DPF3: variants seen among roughly 807,000 people sequenced by gnomAD.
The protein encoded by DPF3 is zinc finger protein DPF3.
DPF3 carries 18 observed loss-of-function variants against 56.8 expected under a neutral mutation model. The observed-to-expected ratio is 0.32, with a 90% CI of 0.22 to 0.47. DPF3 has a LOEUF of 0.47. DPF3 is among the 20% of genes least tolerant of loss of function. The pLI is 1.00. For synonymous variants in DPF3, 188 were observed against 180.2 expected (o/e 1.04, Z -0.35); for missense variants, 403 against 488.8 (o/e 0.82, Z 1.65).
chr14:72,886,175 G>A (rs781566409), intron 1 of DPF3, among the ~76,000 whole-genome samples: 1 of 152,050 alleles, frequency 6.6e-6, no homozygotes, highest in African/African-American at 2.4e-5. Flanking sequence ...AGTTCGAGAC[G>A]AGCCTGGCCA....
intron 1 of DPF3, among the ~76,000 whole-genome samples, chr14:72,826,169 T>A (rs1374317089): frequency 2.0e-5 from 3 of 152,126 alleles, no homozygotes; most frequent in Non-Finnish European, 4.4e-5. Context: ...GCATGTCAGA[T>A]AATAAACCAA....
intron 1 of DPF3, chr14:72,773,866 C>T (rs1382931245): frequency 1.1e-5 from 5 of 455,488 alleles, no homozygotes; most frequent in Non-Finnish European, 2.2e-5. Context: ...AATAATATTC[C>T]ATTGTATGCA....
chr14:72,621,071 G>C (rs1567178428), intron 9 of DPF3, among the ~76,000 whole-genome samples: 1 of 151,762 alleles, frequency 6.6e-6, no homozygotes. Context: ...AACCCGGGAG[G>C]TGGAGGTTGC....
At chr14:72,746,503 G>T (rs1381375709) in intron 3 of DPF3, among the ~76,000 whole-genome samples, 1 of 152,220 alleles carries the variant, frequency 6.6e-6, no homozygotes, top group African/African-American at 2.4e-5. Context: ...AGGCCTAGTA[G>T]TAGGTCTGTT....
intron 1 of DPF3, among the ~76,000 whole-genome samples, chr14:72,831,511 G>A (rs1884058176): frequency 6.6e-6 from 1 of 152,332 alleles, no homozygotes; most frequent in East Asian, 1.9e-4. Flanking sequence ...TCACAGGGCT[G>A]TAGAATATTG....
rs143527689 is a variant in DPF3 at position 72,875,158 on chromosome 14, T to C, written c.32+18899A>G. 5.9e-3 allele frequency among the ~76,000 whole-genome samples: 896 copies of C among 152,294 alleles called. 9 individuals carry two copies. The highest frequency in any genetic ancestry group is 0.02 in the African/African-American group (841 of 41,556). On this transcript the variant is annotated intron_variant, in intron 1 of 10. Coordinates refer to ENST00000556509, the MANE Select transcript of DPF3 (RefSeq NM_001280542.3). ...CCTCCATGATTCAATTACCTCCCCA[T>C]GGGTCTCTCCCACAACACATGGGAA...
chr14:72,669,337 C>A (rs959680469), intron 8 of DPF3, among the ~76,000 whole-genome samples: 2 of 152,212 alleles, frequency 1.3e-5, no homozygotes, highest in Admixed American at 6.5e-5. Flanking sequence ...CAACCCATGT[C>A]AAATGGTTCT....
chr14:72,879,173 C>T (rs909826452), intron 1 of DPF3, among the ~76,000 whole-genome samples: 1 of 152,134 alleles, frequency 6.6e-6, no homozygotes, highest in African/African-American at 2.4e-5. Context: ...CACTGGAAGT[C>T]AGGAGTTTGA....
chr14:72,844,664 A>G (rs891915139), intron 1 of DPF3, among the ~76,000 whole-genome samples: 6 of 152,254 alleles, frequency 3.9e-5, no homozygotes, highest in African/African-American at 1.4e-4. Flanking sequence ...ACAATGTAAA[A>G]TAATTATGAT....
At chr14:72,716,712 C>T (rs965433134) in intron 5 of DPF3, among the ~76,000 whole-genome samples, 28 of 152,156 alleles carry the variant, frequency 1.8e-4, no homozygotes, top group Admixed American at 6.5e-5. Flanking sequence ...AATAAACATT[C>T]GCCAAATGGA....
At chr14:72,686,552 G>A (rs1887419633) in intron 7 of DPF3, among the ~76,000 whole-genome samples, 2 of 152,226 alleles carry the variant, frequency 1.3e-5, no homozygotes. Flanking sequence ...CTCAGCCACA[G>A]GGTCAAGGAT....
chr14:72,873,861 G>A (rs1886000988), intron 1 of DPF3, among the ~76,000 whole-genome samples: 1 of 151,672 alleles, frequency 6.6e-6, no homozygotes, highest in African/African-American at 2.4e-5. Flanking sequence ...CTCATAGGTG[G>A]GAACTGAACA....
chr14:72,674,869 G>A (rs1333454775), intron 7 of DPF3, among the ~76,000 whole-genome samples: 2 of 152,366 alleles, frequency 1.3e-5, no homozygotes, highest in Admixed American at 1.3e-4. Context: ...CTGATGGGAG[G>A]TCATTTCCAG....
At chr14:72,864,353 T>A (rs1375200652) in intron 1 of DPF3, among the ~76,000 whole-genome samples, 2 of 152,224 alleles carry the variant, frequency 1.3e-5, no homozygotes, top group Non-Finnish European at 2.9e-5. Context: ...CTACTTTGCT[T>A]TATTTTCTGC....
intron 1 of DPF3, among the ~76,000 whole-genome samples, chr14:72,888,719 T>G (rs1012011259): frequency 6.6e-6 from 1 of 152,228 alleles, no homozygotes; most frequent in Non-Finnish European, 1.5e-5. Flanking sequence ...CCCTGTTGGG[T>G]CGTAGCTGGG....
At chr14:72,789,614 C>T (rs1892347310) in intron 1 of DPF3, among the ~76,000 whole-genome samples, 2 of 152,168 alleles carry the variant, frequency 1.3e-5, no homozygotes, top group South Asian at 2.1e-4. Flanking sequence ...ACTGCAGCCT[C>T]GATCTTCAGA....
In DPF3 at chr14:72,657,120, G is replaced by A. The variant is rs74628998; in HGVS notation, c.871+17120C>T. The stretch of plus-strand genomic sequence containing the variant: ...AGTACTTAGGAAGAAATATATCTCA[G>A]CAACATCCTCAACATTCCATAATTA... On this transcript the variant is annotated intron_variant, in intron 8 of 10. Transcript: ENST00000556509. Among the ~76,000 whole-genome samples, 1,233 of 152,270 alleles carry A rather than the reference G, an allele frequency of 8.1e-3. 24 individuals are homozygous for A. The highest frequency in any genetic ancestry group is 0.028 in the African/African-American group (1,173 of 41,548).
intron 6 of DPF3, among the ~76,000 whole-genome samples, chr14:72,700,762 T>C (rs1169578392): frequency 6.6e-6 from 1 of 152,206 alleles, no homozygotes; most frequent in Non-Finnish European, 1.5e-5. Context: ...ATCCTCTCTG[T>C]GCCTCAGCAT....
chr14:72,811,403 C>T (rs1883038760), intron 1 of DPF3, among the ~76,000 whole-genome samples: 1 of 152,162 alleles, frequency 6.6e-6, no homozygotes, highest in Non-Finnish European at 1.5e-5. Context: ...CCAGCCAAGC[C>T]CCAGAAGCCA....
Sources: allele counts gnomAD v4.1 joint callset (sites outside exome capture counted in the v4.1 genomes callset), GRCh38; gene constraint gnomAD v4.1.1; transcripts MANE v1.5; gene names NCBI Gene and HGNC (gene_info 2026-07-23, HGNC 2026-07-21).